Variants in MAGI2 observed in about 807,000 individuals in gnomAD.
MAGI2 encodes the protein membrane associated guanylate kinase, WW and PDZ domain containing 2, also known as membrane-associated guanylate kinase, WW and PDZ domain-containing protein 2.
A neutral mutation model predicts 133.3 loss-of-function variants in MAGI2; 35 were observed. The ratio of observed to expected loss-of-function variants is 0.26; its 90% CI spans 0.20 to 0.35. The LOEUF (loss-of-function observed/expected upper bound fraction) is 0.35. MAGI2 is among the 10% of genes least tolerant of loss of function. MAGI2 has a pLI of 1.00. For synonymous variants in MAGI2, 729 were observed against 710.6 expected (o/e 1.03, Z -0.41); for missense variants, 1,636 against 1,863.4 (o/e 0.88, Z 2.25).
Position 78,600,551 on chromosome 7 carries a change from G to A in MAGI2, c.538+26569C>T, listed in dbSNP as rs1005587593. Among the ~76,000 whole-genome samples the A allele has an allele frequency of 5.9e-5, 9 of 152,252 alleles. No individual in the cohort carries two copies. The East Asian group carries it at 1.5e-3, about 26-fold the overall frequency. ...CACTAGCATTTTAAAGATTATCGATGCATTTGGGAAATGTGGCAATACATA... is the reference window on the plus strand; with the variant it reads ...CACTAGCATTTTAAAGATTATCGATACATTTGGGAAATGTGGCAATACATA... On this transcript the variant is annotated intron_variant, in intron 3 of 21. Transcript: ENST00000354212.
At chr7:78,841,352 G>A (rs1005381076) in intron 2 of MAGI2, among the ~76,000 whole-genome samples, 3 of 152,004 alleles carry the variant, frequency 2.0e-5, no homozygotes, top group African/African-American at 7.2e-5. Context: ...CCAATCACTT[G>A]CCTTGGAACT....
intron 3 of MAGI2, among the ~76,000 whole-genome samples, chr7:78,588,473 T>C (rs1044754334): frequency 2.0e-5 from 3 of 152,126 alleles, no homozygotes; most frequent in African/African-American, 4.8e-5. Flanking sequence ...GCAGATAACA[T>C]ATGTGCAAAT....
intron 1 of MAGI2, among the ~76,000 whole-genome samples, chr7:79,095,562 T>C (rs1817446219): frequency 6.6e-6 from 1 of 152,192 alleles, no homozygotes; most frequent in South Asian, 2.1e-4. Flanking sequence ...TATTGTAGGC[T>C]TACTTATTGG....
intron 1 of MAGI2, among the ~76,000 whole-genome samples, chr7:79,012,996 A>G (rs974960195): frequency 3.3e-5 from 5 of 152,228 alleles, no homozygotes; most frequent in Non-Finnish European, 7.4e-5. Context: ...TACCTGTCAA[A>G]TAGCCCCACC....
At chr7:79,108,160 C>G (rs1366040657) in intron 1 of MAGI2, among the ~76,000 whole-genome samples, 1 of 152,158 alleles carries the variant, frequency 6.6e-6, no homozygotes, top group Non-Finnish European at 1.5e-5. Flanking sequence ...TACCACAGAC[C>G]AGGTGCTGGC....
At chr7:78,742,120 C>G (rs751980487) in intron 2 of MAGI2, among the ~76,000 whole-genome samples, 2 of 151,598 alleles carry the variant, frequency 1.3e-5, no homozygotes, top group Non-Finnish European at 2.9e-5. Context: ...ACATAGTGCT[C>G]AAAATAAAGA....
In MAGI2 at chr7:78,981,111, A is replaced by T. The variant is rs920512077; in HGVS notation, c.418+25979T>A. 2.6e-5 allele frequency among the ~76,000 whole-genome samples: 4 copies of T among 151,544 alleles called. No individual in the cohort carries two copies. In the East Asian group the frequency reaches 7.8e-4, roughly 29 times the overall value. ...ACTTTCTTCTATTATGTATACTAGT[A>T]CAAATGTATATGTATTTATCTCACC... is the stretch of plus-strand genomic sequence containing the variant. On this transcript the variant is annotated intron_variant, in intron 2 of 21. Transcript: ENST00000354212.
intron 2 of MAGI2, among the ~76,000 whole-genome samples, chr7:78,952,339 A>T (rs1364761210): frequency 1.3e-5 from 2 of 152,016 alleles, no homozygotes; most frequent in Non-Finnish European, 2.9e-5. Context: ...TTTAGCTAAA[A>T]CTGAATAGTT....
At chr7:78,890,871 T>G (rs2151568197) in intron 2 of MAGI2, among the ~76,000 whole-genome samples, 1 of 151,988 alleles carries the variant, frequency 6.6e-6, no homozygotes, top group African/African-American at 2.4e-5. Flanking sequence ...AAGAAATAAC[T>G]AAGATCAGAG....
chr7:78,378,854 CTT>C (rs1794680207), intron 6 of MAGI2, among the ~76,000 whole-genome samples: 1 of 151,702 alleles, frequency 6.6e-6, no homozygotes, highest in African/African-American at 2.4e-5. Context: ...ATGTAAATGT[CTT>C]ATATTGAGAC....
intron 14 of MAGI2, among the ~76,000 whole-genome samples, chr7:78,176,325 G>A (rs1162474220): frequency 2.0e-5 from 3 of 152,136 alleles, no homozygotes; most frequent in Admixed American, 2.0e-4. Flanking sequence ...TTTGGCAGCT[G>A]GGAAGTTAGT....
At chr7:78,940,649 A>G (rs951761765) in intron 2 of MAGI2, 19 of 152,330 alleles carry the variant, frequency 1.2e-4, no homozygotes, top group African/African-American at 3.8e-4. Context: ...CAAGGCTTCA[A>G]AGTAACTCAG....
chr7:79,378,936 A>G (rs1350223414), intron 1 of MAGI2, among the ~76,000 whole-genome samples: 11 of 31,808 alleles, frequency 3.5e-4, no homozygotes, highest in African/African-American at 1.5e-3. Context: ...GTATATATAT[A>G]TATATATATA....
chr7:79,272,768 A>C (rs1585393707), intron 1 of MAGI2, among the ~76,000 whole-genome samples: 1 of 152,240 alleles, frequency 6.6e-6, no homozygotes, highest in Admixed American at 6.6e-5. Flanking sequence ...TAAACAAAAC[A>C]TAGAGTTTTA....
chr7:78,273,131 G>A (rs186091319), intron 9 of MAGI2, among the ~76,000 whole-genome samples: 16 of 152,274 alleles, frequency 1.1e-4, no homozygotes, highest in African/African-American at 3.1e-4. Flanking sequence ...TGTAAGGCAG[G>A]CCTGGTGGTG....
intron 1 of MAGI2, among the ~76,000 whole-genome samples, chr7:79,109,575 AT>A (rs1382361329): frequency 6.6e-6 from 1 of 152,334 alleles, no homozygotes; most frequent in East Asian, 1.9e-4. Flanking sequence ...TAAAGTTGGA[AT>A]TTATATTTAA....
intron 2 of MAGI2, among the ~76,000 whole-genome samples, chr7:78,632,999 T>C (rs187206736): frequency 6.6e-6 from 1 of 152,332 alleles, no homozygotes; most frequent in Admixed American, 6.5e-5. Flanking sequence ...AACCTATATG[T>C]TCTTCAGTGA....
At chr7:78,071,464 G>A (rs1814690408) in intron 21 of MAGI2, among the ~76,000 whole-genome samples, 1 of 152,188 alleles carries the variant, frequency 6.6e-6, no homozygotes, top group Non-Finnish European at 1.5e-5. Context: ...TTGAACCTGG[G>A]AGGTGGAGTC....
At chr7:79,205,785 A>T (rs1365051029) in intron 1 of MAGI2, among the ~76,000 whole-genome samples, 1 of 151,370 alleles carries the variant, frequency 6.6e-6, no homozygotes, top group Non-Finnish European at 1.5e-5. Flanking sequence ...GTGTAATTAA[A>T]GTTAAGTTGT....
Sources: allele counts gnomAD v4.1 joint callset (sites outside exome capture counted in the v4.1 genomes callset), GRCh38; gene constraint gnomAD v4.1.1; transcripts MANE v1.5; gene names NCBI Gene and HGNC (gene_info 2026-07-23, HGNC 2026-07-21).